Variants in MAML2 observed in about 807,000 individuals in gnomAD.
The protein encoded by MAML2 is mastermind like transcriptional coactivator 2, also known as mastermind-like protein 2.
MAML2 carries 22 observed loss-of-function variants against 96.1 expected under a neutral mutation model. The observed-to-expected ratio is 0.23, with a 90% CI of 0.16 to 0.33. The LOEUF (loss-of-function observed/expected upper bound fraction) is 0.33. MAML2 is among the 10% of genes least tolerant of loss of function. The pLI is 1.00. For missense variants in MAML2, 1,367 were observed against 1,392.4 expected, an observed-to-expected ratio of 0.98 and a Z score of 0.29; for synonymous variants, 561 against 521.3, an observed-to-expected ratio of 1.08 and a Z score of -1.04.
chr11:96,062,019 A>G (rs560977415), intron 2 of MAML2, among the ~76,000 whole-genome samples: 4 of 152,360 alleles, frequency 2.6e-5, no homozygotes, highest in Non-Finnish European at 4.4e-5. Context: ...AGCATTATTT[A>G]TAGAAAAAAG....
chr11:96,240,251 T>G lies in MAML2; in HGVS notation c.513+101132A>C, dbSNP rs373856646. Among the ~76,000 whole-genome samples, 26 of 152,148 alleles carry G rather than the reference T, an allele frequency of 1.7e-4. No individual in the cohort carries two copies. In the East Asian group the frequency reaches 2.9e-3, roughly 17 times the overall value. ...TCCTGACATACAAAAAATAGAAAATTTGGTTTGTTTTTTCCATATTAAGAA... is the reference window on the plus strand; with the variant it reads ...TCCTGACATACAAAAAATAGAAAATGTGGTTTGTTTTTTCCATATTAAGAA... On this transcript the variant is annotated intron_variant, in intron 1 of 4. Transcript: ENST00000524717.
At chr11:96,287,340 T>A (rs962630029) in intron 1 of MAML2, among the ~76,000 whole-genome samples, 5 of 152,194 alleles carry the variant, frequency 3.3e-5, no homozygotes, top group African/African-American at 1.2e-4. Flanking sequence ...TGGGGGAAAT[T>A]CATCTGACAA....
chr11:96,011,814 C>T lies in MAML2; in HGVS notation c.2140-20091G>A, dbSNP rs527872168. 2.6e-5 allele frequency among the ~76,000 whole-genome samples: 4 copies of T among 152,214 alleles called. No homozygotes were observed. In the South Asian group the frequency reaches 8.3e-4, roughly 32 times the overall value. On this transcript the variant is annotated intron_variant, in intron 2 of 4. Transcript: ENST00000524717. ...TTTTTCTTAGCCTTTAGGAAAATGCCAAGACATATTCCCACCTCTCACATG... is the reference window on the plus strand; with the variant it reads ...TTTTTCTTAGCCTTTAGGAAAATGCTAAGACATATTCCCACCTCTCACATG...
chr11:96,340,882 A>T (rs976748112), intron 1 of MAML2, among the ~76,000 whole-genome samples: 2 of 152,140 alleles, frequency 1.3e-5, no homozygotes, highest in Non-Finnish European at 2.9e-5. Flanking sequence ...ACAGCTTACC[A>T]TTTATGTTCT....
chr11:96,254,373 G>A (rs1263725587), intron 1 of MAML2, among the ~76,000 whole-genome samples: 4 of 150,300 alleles, frequency 2.7e-5, no homozygotes, highest in Non-Finnish European at 2.9e-5. Flanking sequence ...GTGGGAGTGC[G>A]AAAGGAATGT....
At chr11:96,069,616 G>T (rs1190842427) in intron 2 of MAML2, among the ~76,000 whole-genome samples, 1 of 152,160 alleles carries the variant, frequency 6.6e-6, no homozygotes, top group Admixed American at 6.5e-5. Flanking sequence ...GGTTGAGACG[G>T]CAGTGAGTCG....
rs748466064 is a variant in MAML2, at chr11:96,341,424, C to T, written c.472G>A (p.Ala158Thr). ...GGINGEQQPPASTPGDQRNSA... is the reference protein window; with the variant it reads ...GGINGEQQPPTSTPGDQRNSA... ...TTCCTCTGGTCCCCTGGGGTTGAAG[C>T]GGGCGGCTGCTGCTCTCCGTTTATC... Residue 158 changes from alanine (A) to threonine (T), a missense_variant, in exon 1 of 5, where the codon GCT becomes ACT. Coordinates refer to ENST00000524717, the MANE Select transcript of MAML2 (RefSeq NM_032427.4). 11 of 1,545,728 alleles carry T rather than the reference C, an allele frequency of 7.1e-6. No individual in the cohort carries two copies. The African/African-American group carries it at 8.2e-5, about 12-fold the overall frequency.
intron 2 of MAML2, among the ~76,000 whole-genome samples, chr11:96,023,744 G>A (rs1043019514): frequency 4.6e-5 from 7 of 152,122 alleles, no homozygotes; most frequent in African/African-American, 2.4e-5. Context: ...TTCACATCTC[G>A]AACATTTCCA....
At chr11:96,003,601 G>A (rs144904514) in intron 2 of MAML2, among the ~76,000 whole-genome samples, 6 of 151,974 alleles carry the variant, frequency 3.9e-5, no homozygotes, top group African/African-American at 2.4e-5. Flanking sequence ...GGCAGACCTG[G>A]GTTCAAATTC....
intron 1 of MAML2, among the ~76,000 whole-genome samples, chr11:96,101,786 G>A (rs1384883679): frequency 6.6e-6 from 1 of 152,116 alleles, no homozygotes; most frequent in Non-Finnish European, 1.5e-5. Context: ...GACAAGGCAT[G>A]TGCTAGAAAA....
At chr11:96,174,802 T>C (rs1024699945) in intron 1 of MAML2, among the ~76,000 whole-genome samples, 1 of 152,284 alleles carries the variant, frequency 6.6e-6, no homozygotes, top group Non-Finnish European at 1.5e-5. Context: ...GTGCAATTGT[T>C]AACCTGCAAT....
intron 1 of MAML2, among the ~76,000 whole-genome samples, chr11:96,213,854 TC>T (rs1217048845): frequency 1.3e-5 from 2 of 152,170 alleles, no homozygotes; most frequent in African/African-American, 4.8e-5. Flanking sequence ...GTGCCCTCCC[TC>T]CCTTAAAAGT....
chr11:96,075,877 G>T (rs950100808), intron 2 of MAML2, among the ~76,000 whole-genome samples: 2 of 152,110 alleles, frequency 1.3e-5, no homozygotes, highest in Non-Finnish European at 2.9e-5. Flanking sequence ...TTCAGATAGC[G>T]CCTTGCATAT....
intron 1 of MAML2, among the ~76,000 whole-genome samples, chr11:96,179,149 A>T (rs1861443505): frequency 6.6e-6 from 1 of 152,192 alleles, no homozygotes; most frequent in Non-Finnish European, 1.5e-5. Context: ...GCATGTTGTG[A>T]CAATGACCTT....
chr11:96,012,423 G>T (rs968246723), intron 2 of MAML2, among the ~76,000 whole-genome samples: 1 of 152,194 alleles, frequency 6.6e-6, no homozygotes, highest in African/African-American at 2.4e-5. Context: ...TCCTACAGAG[G>T]CAGTCTGGCA....
At chr11:96,335,167 G>A (rs888126017) in intron 1 of MAML2, among the ~76,000 whole-genome samples, 1 of 152,146 alleles carries the variant, frequency 6.6e-6, no homozygotes, top group South Asian at 2.1e-4. Context: ...TATCCAACTG[G>A]ACCTTAAGGC....
chr11:96,107,359 G>T (rs1462193795), intron 1 of MAML2, among the ~76,000 whole-genome samples: 1 of 152,038 alleles, frequency 6.6e-6, no homozygotes, highest in Non-Finnish European at 1.5e-5. Context: ...CTGAATAATG[G>T]GGTTAATAGT....
At chr11:96,307,970 C>A (rs1317620661) in intron 1 of MAML2, among the ~76,000 whole-genome samples, 1 of 152,008 alleles carries the variant, frequency 6.6e-6, no homozygotes, top group East Asian at 1.9e-4. Context: ...GGAAGAGAGT[C>A]CTGGCTTCAT....
At chr11:96,014,753 CA>C (rs1858316717) in intron 2 of MAML2, among the ~76,000 whole-genome samples, 1 of 152,176 alleles carries the variant, frequency 6.6e-6, no homozygotes, top group Non-Finnish European at 1.5e-5. Flanking sequence ...GGGCTTATGT[CA>C]AAGTCTTAGA....
Sources: allele counts gnomAD v4.1 joint callset (sites outside exome capture counted in the v4.1 genomes callset), GRCh38; gene constraint gnomAD v4.1.1; transcripts MANE v1.5; gene names NCBI Gene and HGNC (gene_info 2026-07-23, HGNC 2026-07-21).